TAP2: variants seen among roughly 807,000 people sequenced by gnomAD.
The protein encoded by TAP2 is transporter 2, ATP binding cassette subfamily B member, also known as antigen peptide transporter 2.
Under a neutral mutation model 74.7 loss-of-function variants are expected in TAP2, and 49 were observed. The ratio of observed to expected loss-of-function variants is 0.66; its 90% CI spans 0.52 to 0.83. The LOEUF (loss-of-function observed/expected upper bound fraction) is 0.83. TAP2 is among the 40% of genes least tolerant of loss of function. TAP2 has a pLI of 0.00. For synonymous variants in TAP2, 306 were observed against 368.4 expected (o/e 0.83, Z 1.94); for missense variants, 739 against 859.0 (o/e 0.86, Z 1.75).
downstream of TAP2, chr6:32,822,070 G>T (rs117503239): frequency 6.5e-4 from 354 of 548,462 alleles, 3 homozygotes; most frequent in East Asian, 0.01. Flanking sequence ...GGAAACTGAG[G>T]AACCAAAGGC....
chr6:32,832,711 A>T lies in TAP2; in HGVS notation c.1059T>A (p.Cys353Ter). Reference sequence around the variant, plus strand: ...ATTGTTCAAGGGCCTCTTTATAGCGACAGACTTCATGCTCCTCGGCCCCAA... The same window carrying T: ...ATTGTTCAAGGGCCTCTTTATAGCGTCAGACTTCATGCTCCTCGGCCCCAA... ...RSFGAEEHEV[C>*]RYKEALEQCR... Residue 353 changes from cysteine to a stop codon, truncating the protein, a stop_gained, in exon 6 of 12, where the codon TGT becomes TGA. Transcript: ENST00000374897. LOFTEE classifies it high-confidence loss of function. The surrounding 1 kb of genome is among the most constrained non-coding windows in gnomAD (Gnocchi z 5.9). The T allele has an allele frequency of 6.2e-7, 1 of 1,613,052 alleles. No homozygotes were observed. Among genetic ancestry groups the T allele is most frequent in the Non-Finnish European group, 8.5e-7 (1 of 1,180,040 alleles).
At chr6:32,837,470 G>C in intron 3 of TAP2, 67 bp downstream of exon 3, 2 of 1,336,338 alleles carry the variant, frequency 1.5e-6, no homozygotes, top group Non-Finnish European at 2.1e-6. Flanking sequence ...TAGAAATGGA[G>C]TTAGGGAAGT....
downstream of TAP2, among the ~76,000 whole-genome samples, chr6:32,825,146 A>ATATATATATATATATATATATG: frequency 6.6e-6 from 1 of 151,074 alleles, no homozygotes; most frequent in Admixed American, 6.6e-5. Context: ...ATATATATAT[A>ATATATATATATATATATATATG]TGGAGAAACA....
intron 8 of TAP2, 59 bp downstream of exon 8, chr6:32,830,559 T>G: frequency 6.2e-7 from 1 of 1,609,196 alleles, no homozygotes; most frequent in African/African-American, 1.3e-5. Flanking sequence ...GGCTGTGATG[T>G]CCAATTATGC....
chr6:32,837,930 G>C lies in TAP2; in HGVS notation c.304C>G (p.Leu102Val), dbSNP rs1237260884. ...ARVASAPWSW[L>V]LVGYGAAGLS... ...CCCGCAGCCCCGTACCCCACCAGCAGCCAGCTCCAAGGGGCTGAAGCGACT... is the reference window on the plus strand; with the variant it reads ...CCCGCAGCCCCGTACCCCACCAGCACCCAGCTCCAAGGGGCTGAAGCGACT... Residue 102 changes from leucine (L) to valine (V), a missense_variant, in exon 2 of 12, where the codon CTG (leucine) becomes GTG (valine). Coordinates refer to ENST00000374897, the MANE Select transcript of TAP2 (RefSeq NM_001290043.2). The C allele has an allele frequency of 6.2e-7, 1 of 1,606,246 alleles. No homozygotes were observed. The highest frequency in any genetic ancestry group is 8.5e-7 in the Non-Finnish European group (1 of 1,176,178).
downstream of TAP2, chr6:32,822,212 A>T: frequency 8.1e-7 from 1 of 1,239,742 alleles, no homozygotes; most frequent in Non-Finnish European, 1.1e-6. Flanking sequence ...CATCCTGAAA[A>T]AATAAATGTT....
In TAP2 at chr6:32,829,476, CG is replaced by C. The variant is rs1272991184; in HGVS notation, c.1855del (p.Arg619GlyfsTer19). ...AGQKQRLAIA[R>X]ALVRDPRVLI... ...GACCCGCGGGTCTCGTACAAGGGCCCGGGCAATGGCCAGACGTTGTTTCTGT... is the reference window on the plus strand; with the variant it reads ...GACCCGCGGGTCTCGTACAAGGGCCCGGCAATGGCCAGACGTTGTTTCTGT... On this transcript the variant is annotated frameshift_variant, in exon 11 of 12. Coordinates refer to ENST00000374897, the MANE Select transcript of TAP2 (RefSeq NM_001290043.2). LOFTEE classifies it high-confidence loss of function. 2 of 1,613,888 alleles carry C rather than the reference CG, an allele frequency of 1.2e-6. No homozygotes were observed. Among genetic ancestry groups the C allele is most frequent in the Non-Finnish European group, 1.7e-6 (2 of 1,179,966 alleles).
chr6:32,825,166 A>G (rs570175071), downstream of TAP2, among the ~76,000 whole-genome samples: 4 of 148,940 alleles, frequency 2.7e-5, no homozygotes, highest in East Asian at 7.9e-4. Context: ...AGATAAACTC[A>G]TATGTTGCTG....
chr6:32,826,636 G>A lies in TAP2; in HGVS notation c.*2270C>T. 1.0e-6 allele frequency: 1 copy of A among 985,380 alleles called. No homozygotes were observed. The highest frequency in any genetic ancestry group is 4.7e-5 in the South Asian group (1 of 21,286). 61.0% of individuals were successfully genotyped at this position (985,380 alleles called of 1,614,324 possible). ...TTTCCCCTGAGATAAGAAACTTTCA[G>A]GACATCTTAAGGTCTACTGCATCTT... On this transcript the variant is annotated 3_prime_UTR_variant, in exon 12 of 12. Coordinates refer to ENST00000374897, the MANE Select transcript of TAP2 (RefSeq NM_001290043.2).
At position 32,827,450 on chromosome 6, in the gene TAP2, CA is replaced by C; in HGVS notation, c.*1455del. ...AGGTGCTCATGGTCTAGTGGAAGGT[CA>C]AAAAAGGTGGGAAAGGGAAGATAGA... On this transcript the variant is annotated 3_prime_UTR_variant, in exon 12 of 12. Transcript: ENST00000374897. 2.0e-5 allele frequency: 13 copies of C among 645,304 alleles called. No individual in the cohort carries two copies. The highest frequency in any genetic ancestry group is 7.0e-5 in the South Asian group (1 of 14,332). 40.0% of individuals were successfully genotyped at this position (645,304 alleles called of 1,614,324 possible).
chr6:32,830,841 A>G, intron 7 of TAP2, 35 bp from the exon 8 acceptor site: 1 of 1,568,666 alleles, frequency 6.4e-7, no homozygotes. Context: ...GGCTAATTAA[A>G]CACACTTCTA....
chr6:32,829,366 G>A, intron 11 of TAP2, 34 bp downstream of exon 11: 2 of 1,571,068 alleles, frequency 1.3e-6, no homozygotes, highest in South Asian at 1.2e-5. Flanking sequence ...CCCCTCCCAG[G>A]CCCCACTGTC....
At position 32,826,075 on chromosome 6, in the gene TAP2, C is replaced by T. The variant is rs905208663; in HGVS notation, c.*2831G>A. 1.9e-5 allele frequency: 19 copies of T among 985,348 alleles called. No individual in the cohort carries two copies. The highest frequency in any genetic ancestry group is 5.2e-4 in the Middle Eastern group (1 of 1,936). The allele number at this position is 985,348 out of a possible 1,614,324, so 61.0% of individuals were successfully genotyped here. A position where few individuals can be genotyped will look rare whatever the true frequency, so the allele number is the denominator to read the frequency against. On this transcript the variant is annotated 3_prime_UTR_variant, in exon 12 of 12. Transcript: ENST00000374897. ...ACCATTAGATGGCATCAGACTCAAG[C>T]AGGTGCTCCTCTAGCTGACAGCTCT...
downstream of TAP2, among the ~76,000 whole-genome samples, chr6:32,823,618 A>G (rs1479490270): frequency 6.6e-6 from 1 of 151,968 alleles, no homozygotes; most frequent in African/African-American, 2.4e-5. Flanking sequence ...TGCATATTGC[A>G]AATAATAGAG....
rs1318051869 is a variant in TAP2 at position 32,832,209 on chromosome 6, A to G, written c.1272+124T>C. On this transcript the variant is annotated intron_variant, in intron 7 of 11. Coordinates refer to ENST00000374897, the MANE Select transcript of TAP2 (RefSeq NM_001290043.2). This position sits in a 1 kb window ranked among gnomAD's most constrained non-coding sequence, Gnocchi z 5.9. ...GCATATGTTTAAAATTCTCCATAGC[A>G]AAATTACTTGCGGGTTTTGGTTTTG... The G allele has an allele frequency of 1.4e-6, 2 of 1,412,570 alleles. No homozygotes were observed. The highest frequency in any genetic ancestry group is 4.3e-5 in the Admixed American group (2 of 46,784). The allele number at this position is 1,412,570 out of a possible 1,614,324, so 87.5% of individuals were successfully genotyped here.
chr6:32,830,522 C>G (rs9368744), intron 8 of TAP2, 82 bp from the exon 9 acceptor site: 11 of 1,595,308 alleles, frequency 6.9e-6, no homozygotes, highest in Non-Finnish European at 7.7e-6. Flanking sequence ...GAGGCAAGAC[C>G]AGGTTCTCAG....
intron 7 of TAP2, among the ~76,000 whole-genome samples, chr6:32,831,619 T>C (rs1332379057): frequency 6.6e-6 from 1 of 152,228 alleles, no homozygotes; most frequent in Non-Finnish European, 1.5e-5. Flanking sequence ...CAGAAGAGCA[T>C]ATAATACCAC....
rs907022493 is a variant in TAP2, at chr6:32,827,377, G to T, written c.*1529C>A. On this transcript the variant is annotated 3_prime_UTR_variant, in exon 12 of 12. Coordinates refer to ENST00000374897, the MANE Select transcript of TAP2 (RefSeq NM_001290043.2). The stretch of plus-strand genomic sequence containing the variant: ...ATTCTCCACTATGAATTAGGCCCTC[G>T]GCCAGGTAGCAGATATAAAGCTTAA... The T allele has an allele frequency of 3.1e-5, 30 of 970,420 alleles. No homozygotes were observed. Among genetic ancestry groups the T allele is most frequent in the African/African-American group, 3.5e-5 (2 of 56,760 alleles). 60.1% of individuals were successfully genotyped at this position (970,420 alleles called of 1,614,324 possible).
At position 32,827,948 on chromosome 6, in the gene TAP2, T is replaced by C. The variant is rs951880771; in HGVS notation, c.*958A>G. Reference sequence around the variant, plus strand: ...AACAACGGGACTGGAGAGAAGAGAATAGATTCTGAATTATTTAGAGCTAAG... The same window carrying C: ...AACAACGGGACTGGAGAGAAGAGAACAGATTCTGAATTATTTAGAGCTAAG... On this transcript the variant is annotated 3_prime_UTR_variant, in exon 12 of 12. Transcript: ENST00000374897. The C allele has an allele frequency of 3.0e-6, 3 of 984,684 alleles. No individual in the cohort carries two copies. The highest frequency in any genetic ancestry group is 3.6e-6 in the Non-Finnish European group (3 of 829,278). The allele number at this position is 984,684 out of a possible 1,614,324, so 61.0% of individuals were successfully genotyped here.
Sources: gnomAD v4.1 joint callset for allele counts (sites outside exome capture counted in the v4.1 genomes callset) on GRCh38, gnomAD v4.1.1 for gene constraint, Gnocchi (gnomAD v3.1) non-coding constraint, MANE v1.5 for transcripts, NCBI Gene and HGNC (gene_info 2026-07-23, HGNC 2026-07-21) for gene names.